SEMA3E: variants seen among roughly 807,000 people sequenced by gnomAD.
SEMA3E encodes semaphorin-3E.
SEMA3E carries 49 observed loss-of-function variants against 93.6 expected under a neutral mutation model. The observed-to-expected ratio is 0.52, with a 90% CI of 0.42 to 0.66. The LOEUF is 0.66. Among genes scored for constraint, SEMA3E ranks in the 30% least tolerant of loss-of-function variants. SEMA3E has a pLI of 0.00. For missense variants in SEMA3E, 906 were observed against 964.8 expected, an observed-to-expected ratio of 0.94 and a Z score of 0.81; for synonymous variants, 363 against 330.7, an observed-to-expected ratio of 1.10 and a Z score of -1.06.
At chr7:83,599,826 G>A (rs1257878230) in intron 1 of SEMA3E, among the ~76,000 whole-genome samples, 1 of 152,082 alleles carries the variant, frequency 6.6e-6, no homozygotes, top group African/African-American at 2.4e-5. Flanking sequence ...GTATGTTTGT[G>A]TGTCTGTTTC....
At chr7:83,600,740 A>G (rs1792978434) in intron 1 of SEMA3E, among the ~76,000 whole-genome samples, 1 of 151,850 alleles carries the variant, frequency 6.6e-6, no homozygotes, top group South Asian at 2.1e-4. Flanking sequence ...AGTCATCATC[A>G]CAGATAAATA....
chr7:83,444,591 T>C (rs1789185234), intron 4 of SEMA3E, among the ~76,000 whole-genome samples: 1 of 151,842 alleles, frequency 6.6e-6, no homozygotes, highest in Non-Finnish European at 1.5e-5. Flanking sequence ...AAGGAAAGCA[T>C]GCAATGTTGG....
At chr7:83,491,760 T>A (rs1395154725) in intron 1 of SEMA3E, among the ~76,000 whole-genome samples, 1 of 151,978 alleles carries the variant, frequency 6.6e-6, no homozygotes, top group East Asian at 1.9e-4. Flanking sequence ...TGGTAGAAAA[T>A]CTATTCCCTA....
chr7:83,617,351 C>A (rs1431683062), intron 1 of SEMA3E, among the ~76,000 whole-genome samples: 1 of 149,228 alleles, frequency 6.7e-6, no homozygotes, highest in Non-Finnish European at 1.5e-5. Flanking sequence ...AATATTTTTC[C>A]TTAATCATGT....
rs768666004 is a variant in SEMA3E, at chr7:83,490,079, T to C, written c.276+35A>G. 18 of 1,603,232 alleles carry C rather than the reference T, an allele frequency of 1.1e-5. No homozygotes were observed. In the African/African-American group the frequency reaches 1.6e-4, roughly 14 times the overall value. ...CATTCTTGAAATTTCCCCCCTTTTC[T>C]ATCTCTACTGAAATGCAGTTTGATA... is the stretch of plus-strand genomic sequence containing the variant. On this transcript the variant is annotated intron_variant, in intron 2 of 16. Coordinates refer to ENST00000643230, the MANE Select transcript of SEMA3E (RefSeq NM_012431.3).
chr7:83,500,299 C>T (rs772041378), intron 1 of SEMA3E, among the ~76,000 whole-genome samples: 5 of 151,822 alleles, frequency 3.3e-5, no homozygotes, highest in African/African-American at 1.2e-4. Context: ...AGCCAGGGAT[C>T]GTGGCAGGCA....
chr7:83,365,072 A>G lies in SEMA3E; in HGVS notation c.*2514T>C, dbSNP rs1794645345. 6.6e-6 allele frequency: 1 copy of G among 152,188 alleles called. No individual in the cohort carries two copies. The highest frequency in any genetic ancestry group is 6.6e-5 in the Admixed American group (1 of 15,260). 9.4% of individuals were successfully genotyped at this position (152,188 alleles called of 1,614,324 possible). The stretch of plus-strand genomic sequence containing the variant: ...GGTATGTTTTAGATTCTCAAGAAGG[A>G]CAGAACAGCATAGATTGATTTATTT... On this transcript the variant is annotated 3_prime_UTR_variant, in exon 17 of 17. Transcript: ENST00000643230.
At chr7:83,505,717 C>T (rs1023479623) in intron 1 of SEMA3E, among the ~76,000 whole-genome samples, 1 of 151,982 alleles carries the variant, frequency 6.6e-6, no homozygotes, top group African/African-American at 2.4e-5. Context: ...GCTGAAGATA[C>T]AATTATATAT....
Position 83,405,962 on chromosome 7 carries a change from G to T in SEMA3E, c.911C>A (p.Thr304Lys). Residue 304 changes from threonine (T) to lysine (K), a missense_variant, in exon 8 of 17, where the codon ACA becomes AAA. Physicochemically the swap from Thr to Lys is moderately conservative, Grantham distance 78 (BLOSUM62 -1). Coordinates refer to ENST00000643230, the MANE Select transcript of SEMA3E (RefSeq NM_012431.3). Reference protein sequence around the residue: ...CSVPGMNGIDTYFDELEDVFL... With the variant: ...CSVPGMNGIDKYFDELEDVFL... ...ACATTTACCTAATTCATCAAAATAT[G>T]TGTCAATTCCATTCATTCCTGGTAC... is the stretch of plus-strand genomic sequence containing the variant. The T allele has an allele frequency of 6.2e-7, 1 of 1,611,506 alleles. No individual in the cohort carries two copies. The highest frequency in any genetic ancestry group is 8.5e-7 in the Non-Finnish European group (1 of 1,177,888).
intron 1 of SEMA3E, among the ~76,000 whole-genome samples, chr7:83,527,157 G>T (rs1584309590): frequency 6.6e-6 from 1 of 151,416 alleles, no homozygotes; most frequent in African/African-American, 2.4e-5. Flanking sequence ...CCCAGGACTG[G>T]CAGCAACCAC....
intron 1 of SEMA3E, among the ~76,000 whole-genome samples, chr7:83,547,426 G>A (rs1035760499): frequency 2.6e-5 from 4 of 151,940 alleles, no homozygotes; most frequent in Non-Finnish European, 4.4e-5. Flanking sequence ...ATTTTAACAC[G>A]AAGCCCAAAT....
intron 1 of SEMA3E, among the ~76,000 whole-genome samples, chr7:83,627,800 C>G (rs1190914740): frequency 1.3e-5 from 2 of 152,018 alleles, no homozygotes; most frequent in African/African-American, 4.8e-5. Context: ...TTAATTGGGG[C>G]ATTTACCCAA....
chr7:83,407,860 C>G (rs1788358591), intron 6 of SEMA3E, among the ~76,000 whole-genome samples: 1 of 152,036 alleles, frequency 6.6e-6, no homozygotes, highest in African/African-American at 2.4e-5. Context: ...TTAAAATGCT[C>G]ACCATAAAAC....
In SEMA3E at chr7:83,500,590, C is replaced by CTTTTTTTTT. The variant is rs371350850; in HGVS notation, c.116-10325_116-10317dup. Among the ~76,000 whole-genome samples the CTTTTTTTTT allele has an allele frequency of 4.9e-4, 49 of 100,634 alleles. 1 individual carries two copies. Among genetic ancestry groups the CTTTTTTTTT allele is most frequent in the East Asian group, 6.6e-4 (2 of 3,036 alleles). The allele number at this position is 100,634 out of a possible 152,430, so 66.0% of individuals were successfully genotyped here. ...TCTATACATCTATCTAACTTTCTTC[C>CTTTTTTTTT]TTTTTTTTTTTTTTTTTTTGAGATA... is the stretch of plus-strand genomic sequence containing the variant. On this transcript the variant is annotated intron_variant, in intron 1 of 16. Coordinates refer to ENST00000643230, the MANE Select transcript of SEMA3E (RefSeq NM_012431.3).
At chr7:83,645,739 C>G (rs934665498) in intron 1 of SEMA3E, among the ~76,000 whole-genome samples, 1 of 151,856 alleles carries the variant, frequency 6.6e-6, no homozygotes, top group Admixed American at 6.6e-5. Flanking sequence ...CTCTCTCTCT[C>G]TCTCTCTCTC....
At chr7:83,454,257 CAAAA>C (rs1157801830) in intron 4 of SEMA3E, among the ~76,000 whole-genome samples, 2 of 44,970 alleles carry the variant, frequency 4.4e-5, no homozygotes, top group African/African-American at 1.6e-4. Flanking sequence ...GACTCCGACT[CAAAA>C]AAAAAAAAAA....
intron 4 of SEMA3E, among the ~76,000 whole-genome samples, chr7:83,448,517 A>AAAAAC (rs1789285147): frequency 1.3e-5 from 2 of 152,130 alleles, no homozygotes; most frequent in Non-Finnish European, 2.9e-5. Flanking sequence ...ATTCTAAAAC[A>AAAAAC]AAAACAAAAC....
intron 4 of SEMA3E, among the ~76,000 whole-genome samples, chr7:83,441,261 G>A (rs907039458): frequency 3.3e-5 from 5 of 152,058 alleles, no homozygotes; most frequent in Non-Finnish European, 7.4e-5. Flanking sequence ...GGATGAAAAG[G>A]AAAAAAGTAG....
At chr7:83,462,016 G>A (rs2115861703) in intron 4 of SEMA3E, 1 of 152,336 alleles carries the variant, frequency 6.6e-6, no homozygotes, top group African/African-American at 2.4e-5. Context: ...ATCTGTGTGG[G>A]ACCCCACTGA....
Sources: allele counts gnomAD v4.1 joint callset (sites outside exome capture counted in the v4.1 genomes callset), GRCh38; gene constraint gnomAD v4.1.1; transcripts MANE v1.5; gene names NCBI Gene and HGNC (gene_info 2026-07-23, HGNC 2026-07-21).